Variants in ICA1 observed in about 807,000 individuals in gnomAD.
ICA1 encodes the protein islet cell autoantigen 1.
ICA1 carries 40 observed loss-of-function variants against 71.0 expected under a neutral mutation model. That is an observed-to-expected ratio of 0.56 (90% CI 0.44 to 0.73). The LOEUF is 0.73. Among genes scored for constraint, ICA1 ranks in the 30% least tolerant of loss-of-function variants. The probability of loss-of-function intolerance (pLI) is 0.00; values close to 1 mark genes in which losing one functional copy is unlikely to be tolerated. For synonymous variants in ICA1, 207 were observed against 209.5 expected, an observed-to-expected ratio of 0.99 and a Z score of 0.10; for missense variants, 578 against 576.5, an observed-to-expected ratio of 1.00 and a Z score of -0.03.
intron 6 of ICA1, among the ~76,000 whole-genome samples, chr7:8,175,043 A>C (rs1780138400): frequency 6.6e-6 from 1 of 152,120 alleles, no homozygotes; most frequent in Non-Finnish European, 1.5e-5. Context: ...AAAAGAGAGA[A>C]AGGATCATCT....
At chr7:8,155,766 T>G (rs1048097736) in intron 8 of ICA1, among the ~76,000 whole-genome samples, 1 of 152,190 alleles carries the variant, frequency 6.6e-6, no homozygotes, top group Non-Finnish European at 1.5e-5. Context: ...GTGTGCATTA[T>G]ACTTTTAACC....
chr7:8,120,258 C>T (rs1260881148), intron 13 of ICA1, among the ~76,000 whole-genome samples: 1 of 152,170 alleles, frequency 6.6e-6, no homozygotes, highest in Non-Finnish European at 1.5e-5. Context: ...ATCAGTCTAA[C>T]AATTTGACTA....
intron 8 of ICA1, among the ~76,000 whole-genome samples, chr7:8,153,795 G>T (rs1800505525): frequency 6.8e-6 from 1 of 146,656 alleles, no homozygotes; most frequent in Non-Finnish European, 1.5e-5. Flanking sequence ...AGATGATTTA[G>T]CATCAATATA....
Position 8,207,836 on chromosome 7 carries a change from C to A in ICA1, c.579+10469G>T, listed in dbSNP as rs143244933. On this transcript the variant is annotated intron_variant, in intron 6 of 13. Coordinates refer to ENST00000402384, the MANE Select transcript of ICA1 (RefSeq NM_001136020.3). ...TCTCAGAACTATGAATGGAAACTAC[C>A]AGTTTTCTATTGGATCATTCTTCCG... 2.0e-4 allele frequency among the ~76,000 whole-genome samples: 30 copies of A among 152,246 alleles called. No homozygotes were observed. In the East Asian group the frequency reaches 5.6e-3, roughly 28 times the overall value.
At chr7:8,164,498 C>T (rs1029791114) in intron 6 of ICA1, among the ~76,000 whole-genome samples, 5 of 151,910 alleles carry the variant, frequency 3.3e-5, no homozygotes, top group Non-Finnish European at 5.9e-5. Flanking sequence ...CCTGACTACC[C>T]CAGACTTAAT....
intron 6 of ICA1, among the ~76,000 whole-genome samples, chr7:8,198,502 T>C (rs571391245): frequency 3.3e-5 from 5 of 152,262 alleles, no homozygotes; most frequent in Non-Finnish European, 1.5e-5. Context: ...GCAGAGACGT[T>C]GATGTGGTTG....
chr7:8,248,342 A>G (rs1004918865), intron 1 of ICA1, among the ~76,000 whole-genome samples: 1 of 152,146 alleles, frequency 6.6e-6, no homozygotes, highest in Non-Finnish European at 1.5e-5. Flanking sequence ...TTTATTCAAC[A>G]TTTCTATTTT....
At chr7:8,221,973 T>C (rs928831268) in intron 4 of ICA1, among the ~76,000 whole-genome samples, 9 of 152,138 alleles carry the variant, frequency 5.9e-5, no homozygotes, top group Non-Finnish European at 8.8e-5. Flanking sequence ...CAAATCTGAA[T>C]TGGTGATGCC....
intron 6 of ICA1, among the ~76,000 whole-genome samples, chr7:8,176,593 C>A (rs1554313189): frequency 6.6e-6 from 1 of 152,200 alleles, no homozygotes; most frequent in Non-Finnish European, 1.5e-5. Context: ...GCATGCACAA[C>A]AATGAGTAAA....
upstream of ICA1, chr7:8,262,313 G>C (rs1584048915): frequency 6.6e-6 from 1 of 152,104 alleles, no homozygotes; most frequent in African/African-American, 2.4e-5. Context: ...CGCCCTCGCC[G>C]CCCGGCTACC....
chr7:8,219,997 A>C (rs1263417392), intron 5 of ICA1, among the ~76,000 whole-genome samples: 1 of 152,228 alleles, frequency 6.6e-6, no homozygotes, highest in Non-Finnish European at 1.5e-5. Flanking sequence ...CACAGAAAGT[A>C]TCTATTAAGA....
At chr7:8,225,025 G>A (rs1362690898) in intron 4 of ICA1, among the ~76,000 whole-genome samples, 2 of 152,140 alleles carry the variant, frequency 1.3e-5, no homozygotes, top group African/African-American at 4.8e-5. Context: ...GGTATCTGCT[G>A]GGTTTCTCCA....
At chr7:8,198,182 T>A (rs911582809) in intron 6 of ICA1, among the ~76,000 whole-genome samples, 2 of 152,218 alleles carry the variant, frequency 1.3e-5, no homozygotes, top group Admixed American at 6.5e-5. Context: ...CCACCCATCC[T>A]GCGCTGCACA....
chr7:8,199,233 C>A (rs960380231), intron 6 of ICA1, among the ~76,000 whole-genome samples: 3 of 152,040 alleles, frequency 2.0e-5, no homozygotes, highest in African/African-American at 7.2e-5. Flanking sequence ...GGGTATATAC[C>A]CAAAAGAAAG....
intron 1 of ICA1, among the ~76,000 whole-genome samples, chr7:8,258,392 A>T (rs1283882695): frequency 2.0e-5 from 3 of 152,222 alleles, no homozygotes; most frequent in Non-Finnish European, 4.4e-5. Flanking sequence ...GATGATTCCC[A>T]TCATGAGTGA....
chr7:8,191,716 A>T (rs1562930348), intron 6 of ICA1, among the ~76,000 whole-genome samples: 1 of 151,928 alleles, frequency 6.6e-6, no homozygotes, highest in African/African-American at 2.4e-5. Flanking sequence ...GTAATATTAC[A>T]TATTATTATA....
chr7:8,170,497 T>A (rs917270123), intron 6 of ICA1, among the ~76,000 whole-genome samples: 2 of 151,998 alleles, frequency 1.3e-5, no homozygotes, highest in Admixed American at 6.6e-5. Flanking sequence ...GATTTTTAAA[T>A]TGTCTTGGCA....
Position 8,138,997 on chromosome 7 carries a change from T to C in ICA1, c.1006A>G (p.Thr336Ala), listed in dbSNP as rs777318135. ...TAATCTAGGTTACCTGAGCATGCAG[T>C]ATGTGTAGAGCCTTTGTCTAAGGCA... ...LSALDKGSTH[T>A]ACSGPIDELL... Residue 336 changes from threonine to alanine, a missense_variant, in exon 11 of 14, where the codon ACT (threonine) becomes GCT (alanine). Physicochemically the swap from Thr to Ala is moderately conservative, Grantham distance 58 (BLOSUM62 0). Transcript: ENST00000402384. 1.2e-6 allele frequency: 2 copies of C among 1,613,172 alleles called. No homozygotes were observed. The highest frequency in any genetic ancestry group is 1.7e-6 in the Non-Finnish European group (2 of 1,179,174).
intron 9 of ICA1, among the ~76,000 whole-genome samples, chr7:8,142,980 G>T (rs1795727070): frequency 6.6e-6 from 1 of 152,180 alleles, no homozygotes; most frequent in African/African-American, 2.4e-5. Flanking sequence ...TTTCCTGTGG[G>T]ACAAAAAATA....
Sources: gnomAD v4.1 joint callset for allele counts (sites outside exome capture counted in the v4.1 genomes callset) on GRCh38, gnomAD v4.1.1 for gene constraint, MANE v1.5 for transcripts, NCBI Gene and HGNC (gene_info 2026-07-23, HGNC 2026-07-21) for gene names.